Variants in TASP1 observed in about 807,000 individuals in gnomAD.
TASP1 encodes threonine aspartase 1.
A neutral mutation model predicts 56.6 loss-of-function variants in TASP1; 16 were observed. That is an observed-to-expected ratio of 0.28 (90% CI 0.19 to 0.43). The LOEUF (loss-of-function observed/expected upper bound fraction) is 0.43, where lower values mean the gene tolerates loss of function less well. TASP1 is among the 20% of genes least tolerant of loss of function. The probability of loss-of-function intolerance (pLI) is 1.00; values close to 1 mark genes in which losing one functional copy is unlikely to be tolerated. For missense variants in TASP1, 393 were observed against 511.6 expected, an observed-to-expected ratio of 0.77 and a Z score of 2.24; for synonymous variants, 179 against 184.2, an observed-to-expected ratio of 0.97 and a Z score of 0.23.
chr20:13,616,995 T>A (rs1309128719), intron 4 of TASP1: 1 of 452,294 alleles, frequency 2.2e-6, no homozygotes, highest in Non-Finnish European at 4.4e-6. Flanking sequence ...CGTACAGCTC[T>A]TCAGGATACA....
the TASP1 span, among the ~76,000 whole-genome samples, chr20:13,275,902 G>A: frequency 0.051 from 7,698 of 152,218 alleles, 261 homozygotes; most frequent in Admixed American, 0.085. Context: ...GCCAGTTTCC[G>A]TCCCTGAAAA....
chr20:13,244,101 C>T, the TASP1 span: 1 of 152,130 alleles, frequency 6.6e-6, no homozygotes, highest in Non-Finnish European at 1.5e-5. Flanking sequence ...TAGACAAATC[C>T]AAACAAGGTA....
At chr20:13,351,296 T>TAG in the TASP1 span, among the ~76,000 whole-genome samples, 62 of 152,292 alleles carry the variant, frequency 4.1e-4, no homozygotes, top group African/African-American at 1.4e-3. Context: ...AACATATACT[T>TAG]ACCATATGAC....
At chr20:13,124,644 C>T in the TASP1 span, among the ~76,000 whole-genome samples, 2 of 152,142 alleles carry the variant, frequency 1.3e-5, no homozygotes, top group Non-Finnish European at 2.9e-5. Flanking sequence ...CTTGGTTCCC[C>T]TCATGGACCA....
At chr20:13,480,972 T>C (rs1373239790) in intron 11 of TASP1, among the ~76,000 whole-genome samples, 1 of 150,064 alleles carries the variant, frequency 6.7e-6, no homozygotes, top group Non-Finnish European at 1.5e-5. Flanking sequence ...TTACACTCTT[T>C]TAGTTATTTT....
chr20:13,455,345 CA>C lies in TASP1; in HGVS notation c.986-20192del, dbSNP rs200158689. Among the ~76,000 whole-genome samples the C allele has an allele frequency of 4.5e-3, 690 of 152,052 alleles. 3 individuals are homozygous for C. Among genetic ancestry groups the C allele is most frequent in the East Asian group, 0.011 (59 of 5,142 alleles). On this transcript the variant is annotated intron_variant, in intron 11 of 13. Transcript: ENST00000337743. Reference sequence around the variant, plus strand: ...GCATTATGAAACTATGCATGGATTTCAAAAAATGTTTGCATGAAAATAAACT... The same window carrying C: ...GCATTATGAAACTATGCATGGATTTCAAAAATGTTTGCATGAAAATAAACT...
chr20:13,159,651 G>A, the TASP1 span, among the ~76,000 whole-genome samples: 2 of 152,024 alleles, frequency 1.3e-5, no homozygotes, highest in Non-Finnish European at 2.9e-5. Flanking sequence ...TTATACCTAG[G>A]GACCCTGCAG....
the TASP1 span, among the ~76,000 whole-genome samples, chr20:13,234,932 A>G: frequency 2.0e-5 from 3 of 152,204 alleles, no homozygotes; most frequent in Non-Finnish European, 4.4e-5. Context: ...TATTTTGACA[A>G]GGTCCCCAGA....
At chr20:13,599,525 C>G (rs1015835180) in intron 4 of TASP1, among the ~76,000 whole-genome samples, 3 of 152,074 alleles carry the variant, frequency 2.0e-5, no homozygotes, top group African/African-American at 7.2e-5. Context: ...CAGGGCCTGT[C>G]AGGCGGTGGG....
intron 9 of TASP1, among the ~76,000 whole-genome samples, chr20:13,530,286 C>A (rs960310293): frequency 6.6e-6 from 1 of 152,124 alleles, no homozygotes; most frequent in Admixed American, 6.6e-5. Flanking sequence ...AAGAACTGAG[C>A]GGGATACTCT....
chr20:13,437,751 C>T (rs1330985374), intron 11 of TASP1, among the ~76,000 whole-genome samples: 1 of 152,166 alleles, frequency 6.6e-6, no homozygotes, highest in Non-Finnish European at 1.5e-5. Flanking sequence ...AGTGAACTCC[C>T]ATTCACAATT....
At chr20:13,433,776 G>C (rs2042899630) in intron 12 of TASP1, among the ~76,000 whole-genome samples, 1 of 147,728 alleles carries the variant, frequency 6.8e-6, no homozygotes. Context: ...CACGCTTTCT[G>C]TAAGGAAATT....
the TASP1 span, among the ~76,000 whole-genome samples, chr20:13,213,552 G>A: frequency 1.3e-5 from 2 of 152,164 alleles, no homozygotes; most frequent in Admixed American, 1.3e-4. Flanking sequence ...CTGCCCTGAG[G>A]GAGTTGGATG....
At chr20:13,301,436 G>T in the TASP1 span, among the ~76,000 whole-genome samples, 31 of 152,150 alleles carry the variant, frequency 2.0e-4, no homozygotes, top group African/African-American at 7.2e-4. Flanking sequence ...TGTTCTGCCT[G>T]CCTTGGCCTC....
intron 7 of TASP1, among the ~76,000 whole-genome samples, chr20:13,567,438 T>C (rs1171003041): frequency 3.4e-4 from 51 of 152,218 alleles, no homozygotes; most frequent in Admixed American, 2.8e-3. Context: ...AAAAAATAGG[T>C]ATTCGGAAAA....
chr20:13,129,819 C>T, the TASP1 span, among the ~76,000 whole-genome samples: 1 of 152,164 alleles, frequency 6.6e-6, no homozygotes, highest in Non-Finnish European at 1.5e-5. Context: ...TTTTCTTCCC[C>T]TGAGGTAGTA....
intron 10 of TASP1, among the ~76,000 whole-genome samples, chr20:13,519,897 T>A (rs112982730): frequency 6.6e-6 from 1 of 152,174 alleles, no homozygotes; most frequent in Non-Finnish European, 1.5e-5. Context: ...CAAAATCTCC[T>A]TAAGCTGGTA....
intron 11 of TASP1, among the ~76,000 whole-genome samples, chr20:13,447,068 T>C (rs151253155): frequency 1.3e-3 from 193 of 152,292 alleles, no homozygotes; most frequent in African/African-American, 4.4e-3. Context: ...ACAGAGTTGA[T>C]GAATCAATCA....
At chr20:13,470,377 G>A (rs1384143742) in intron 11 of TASP1, among the ~76,000 whole-genome samples, 1 of 151,954 alleles carries the variant, frequency 6.6e-6, no homozygotes, top group East Asian at 1.9e-4. Context: ...ATTCTTGAAG[G>A]CTCTTATAAA....
Sources: allele counts gnomAD v4.1 joint callset (sites outside exome capture counted in the v4.1 genomes callset), GRCh38; gene constraint gnomAD v4.1.1; transcripts MANE v1.5; gene names NCBI Gene and HGNC (gene_info 2026-07-23, HGNC 2026-07-21).